CAMK1D: variants seen among roughly 807,000 people sequenced by gnomAD.
The protein encoded by CAMK1D is calcium/calmodulin dependent protein kinase ID, also known as calcium/calmodulin-dependent protein kinase type 1D.
A neutral mutation model predicts 47.7 loss-of-function variants in CAMK1D; 9 were observed. The ratio of observed to expected loss-of-function variants is 0.19; its 90% CI spans 0.11 to 0.33. The LOEUF (loss-of-function observed/expected upper bound fraction) is 0.33. CAMK1D is among the 10% of genes least tolerant of loss of function. The pLI is 1.00. For missense variants in CAMK1D, 291 were observed against 488.7 expected, an observed-to-expected ratio of 0.60 and a Z score of 3.81; for synonymous variants, 184 against 184.9, an observed-to-expected ratio of 0.99 and a Z score of 0.04.
intron 2 of CAMK1D, among the ~76,000 whole-genome samples, chr10:12,665,727 T>A (rs1379979353): frequency 6.6e-6 from 1 of 152,266 alleles, no homozygotes; most frequent in Non-Finnish European, 1.5e-5. Flanking sequence ...TGCCAACGGC[T>A]AGAATTCGGC....
intron 3 of CAMK1D, among the ~76,000 whole-genome samples, chr10:12,706,571 C>G (rs1197388268): frequency 3.3e-5 from 5 of 152,032 alleles, no homozygotes; most frequent in African/African-American, 1.2e-4. Context: ...AAACCCTTAG[C>G]TGAGCATGGT....
chr10:12,804,294 G>C lies in CAMK1D; in HGVS notation c.642-9901G>C, dbSNP rs533601656. Among the ~76,000 whole-genome samples, 6 of 152,228 alleles carry C rather than the reference G, an allele frequency of 3.9e-5. No individual in the cohort carries two copies. The East Asian group carries it at 1.2e-3, about 29-fold the overall frequency. ...CACAAAGTATTTCTTGTTCATCAAA[G>C]AATAATCGATCGACAAATATTCATT... On this transcript the variant is annotated intron_variant, in intron 6 of 10. Transcript: ENST00000619168.
At chr10:12,635,029 C>T (rs756571912) in intron 2 of CAMK1D, among the ~76,000 whole-genome samples, 6 of 152,148 alleles carry the variant, frequency 3.9e-5, no homozygotes, top group African/African-American at 7.2e-5. Context: ...CAGACAAAGT[C>T]TCTGTTTTGA....
chr10:12,577,696 G>T (rs1837532617), intron 2 of CAMK1D, among the ~76,000 whole-genome samples: 1 of 152,150 alleles, frequency 6.6e-6, no homozygotes, highest in Non-Finnish European at 1.5e-5. Context: ...ATTGTCTTAG[G>T]GGTTCTATTC....
chr10:12,448,040 G>A (rs983228198), intron 1 of CAMK1D, among the ~76,000 whole-genome samples: 9 of 145,088 alleles, frequency 6.2e-5, no homozygotes, highest in Admixed American at 5.0e-4. Context: ...TTTTAGTAGA[G>A]ACAGGGTTTC....
intron 2 of CAMK1D, among the ~76,000 whole-genome samples, chr10:12,570,555 C>T (rs1023067316): frequency 6.6e-6 from 1 of 151,688 alleles, no homozygotes; most frequent in African/African-American, 2.4e-5. Context: ...TGGTGTGCAC[C>T]TGTAATCCCA....
chr10:12,754,800 A>G (rs1156369692), intron 3 of CAMK1D, among the ~76,000 whole-genome samples: 1 of 152,140 alleles, frequency 6.6e-6, no homozygotes, highest in Non-Finnish European at 1.5e-5. Context: ...CTCTTTGTGT[A>G]AGGACACCAG....
Position 12,741,738 on chromosome 10 carries a change from G to A in CAMK1D, c.300-19210G>A, listed in dbSNP as rs535339718. On this transcript the variant is annotated intron_variant, in intron 3 of 10. Transcript: ENST00000619168. ...CCCAGGATACGCATCTGCCGGGAAG[G>A]GAGGGAAGCAGGAGAGGGCCAGGGA... Among the ~76,000 whole-genome samples the A allele has an allele frequency of 8.4e-4, 128 of 152,308 alleles. 1 individual carries two copies. Among genetic ancestry groups the A allele is most frequent in the African/African-American group, 2.9e-3 (122 of 41,568 alleles).
At chr10:12,546,016 A>G (rs1836358187) in intron 1 of CAMK1D, among the ~76,000 whole-genome samples, 1 of 152,134 alleles carries the variant, frequency 6.6e-6, no homozygotes, top group Non-Finnish European at 1.5e-5. Context: ...GGCTGTAGTG[A>G]CAGATGAGCC....
At chr10:12,482,638 G>A (rs17491614) in intron 1 of CAMK1D, among the ~76,000 whole-genome samples, 37,577 of 152,046 alleles carry the variant, frequency 0.25, 5,118 homozygotes, top group Non-Finnish European at 0.31. Flanking sequence ...CCCCATATGC[G>A]TGTATACGTG....
chr10:12,536,111 A>C (rs1835961776), intron 1 of CAMK1D, among the ~76,000 whole-genome samples: 1 of 152,018 alleles, frequency 6.6e-6, no homozygotes. Context: ...ATTTTTTGAA[A>C]ATCATGAAAG....
intron 1 of CAMK1D, among the ~76,000 whole-genome samples, chr10:12,406,392 A>C (rs1400558493): frequency 6.6e-6 from 1 of 152,076 alleles, no homozygotes; most frequent in Non-Finnish European, 1.5e-5. Context: ...ATCTGGCAAA[A>C]GCTTTTTATT....
chr10:12,682,007 C>G (rs974745796), intron 3 of CAMK1D, among the ~76,000 whole-genome samples: 6 of 152,224 alleles, frequency 3.9e-5, no homozygotes, highest in Admixed American at 1.3e-4. Context: ...ATCACGAGGT[C>G]AGGAGATCGA....
At chr10:12,522,220 G>C (rs1292202877) in intron 1 of CAMK1D, among the ~76,000 whole-genome samples, 1 of 83,036 alleles carries the variant, frequency 1.2e-5, no homozygotes. Flanking sequence ...TTTTTTTATT[G>C]ATCATTCTTG....
rs546499680 is a variant in CAMK1D at position 12,457,002 on chromosome 10, G to A, written c.93-96223G>A. Among the ~76,000 whole-genome samples, 3 of 152,252 alleles carry A rather than the reference G, an allele frequency of 2.0e-5. No homozygotes were observed. In the South Asian group the frequency reaches 6.2e-4, roughly 32 times the overall value. On this transcript the variant is annotated intron_variant, in intron 1 of 10. Coordinates refer to ENST00000619168, the MANE Select transcript of CAMK1D (RefSeq NM_153498.4). ...TTGTGACACCAGAGTGTTGGAAGCCGCCAAGTGGCCATCAGTCAATAAGGG... is the reference window on the plus strand; with the variant it reads ...TTGTGACACCAGAGTGTTGGAAGCCACCAAGTGGCCATCAGTCAATAAGGG...
intron 6 of CAMK1D, among the ~76,000 whole-genome samples, chr10:12,793,661 A>G (rs1158207691): frequency 6.7e-6 from 1 of 148,924 alleles, no homozygotes; most frequent in African/African-American, 2.5e-5. Flanking sequence ...TGCTGTAGAG[A>G]AAGTACAGAA....
chr10:12,816,558 T>A (rs2431630), intron 8 of CAMK1D, among the ~76,000 whole-genome samples: 50,342 of 151,798 alleles, frequency 0.33, 8,793 homozygotes, highest in African/African-American at 0.42. Context: ...GTATTCGTCC[T>A]TTTTCACGCT....
chr10:12,478,917 G>A (rs4750218), intron 1 of CAMK1D, among the ~76,000 whole-genome samples: 2,602 of 152,334 alleles, frequency 0.017, 126 homozygotes, highest in Admixed American at 0.1. Context: ...AGCGTCCTGA[G>A]CGCCTGCAAC....
At chr10:12,671,635 A>G (rs1840620869) in intron 3 of CAMK1D, among the ~76,000 whole-genome samples, 1 of 151,820 alleles carries the variant, frequency 6.6e-6, no homozygotes, top group Admixed American at 6.6e-5. Flanking sequence ...ATATATATAT[A>G]CACGTATACA....
Sources: allele counts gnomAD v4.1 joint callset (sites outside exome capture counted in the v4.1 genomes callset), GRCh38; gene constraint gnomAD v4.1.1; transcripts MANE v1.5; gene names NCBI Gene and HGNC (gene_info 2026-07-23, HGNC 2026-07-21).